CD9: variants seen among roughly 807,000 people sequenced by gnomAD.
The protein encoded by CD9 is CD9 antigen.
CD9 carries 10 observed loss-of-function variants against 31.4 expected under a neutral mutation model. That is an observed-to-expected ratio of 0.32 (90% CI 0.20 to 0.54). The LOEUF is 0.54. Ranked by LOEUF, CD9 falls within the 20% of genes least tolerant of loss-of-function variation. The probability of loss-of-function intolerance (pLI) is 0.94; values close to 1 mark genes in which losing one functional copy is unlikely to be tolerated. For missense variants in CD9, 259 were observed against 300.1 expected, an observed-to-expected ratio of 0.86 and a Z score of 1.01; for synonymous variants, 113 against 114.1, an observed-to-expected ratio of 0.99 and a Z score of 0.06.
intron 1 of CD9, among the ~76,000 whole-genome samples, chr12:6,221,458 G>A (rs768777031): frequency 2.6e-5 from 4 of 152,152 alleles, no homozygotes; most frequent in Non-Finnish European, 5.9e-5. Context: ...CTGCTCCTGG[G>A]ATGATAGGCT....
At chr12:6,214,376 G>A (rs1427178916) in intron 1 of CD9, among the ~76,000 whole-genome samples, 2 of 110,112 alleles carry the variant, frequency 1.8e-5, no homozygotes, top group African/African-American at 3.3e-5. Flanking sequence ...TTTGAGATGG[G>A]GTCTCTGTCA....
chr12:6,217,290 G>A (rs1946252695), intron 1 of CD9, among the ~76,000 whole-genome samples: 1 of 152,166 alleles, frequency 6.6e-6, no homozygotes, highest in African/African-American at 2.4e-5. Flanking sequence ...GGGAGGCCAA[G>A]GTGGGTGGAT....
chr12:6,209,423 G>A (rs1010704627), intron 1 of CD9, among the ~76,000 whole-genome samples: 4 of 152,100 alleles, frequency 2.6e-5, no homozygotes, highest in African/African-American at 4.8e-5. Flanking sequence ...CTCCCTCAGC[G>A]GCCCCGTTCC....
At chr12:6,227,676 G>T (rs1946387210) in intron 2 of CD9, among the ~76,000 whole-genome samples, 2 of 152,200 alleles carry the variant, frequency 1.3e-5, no homozygotes, top group Non-Finnish European at 1.5e-5. Flanking sequence ...CCCTCAAGAG[G>T]CAGGGCCAGG....
At chr12:6,233,083 T>C (rs1946471113) in intron 3 of CD9, 3 of 701,912 alleles carry the variant, frequency 4.3e-6, no homozygotes, top group Non-Finnish European at 7.8e-6. Context: ...TCGCTCCCTT[T>C]ACTTGCCCAA....
intron 2 of CD9, among the ~76,000 whole-genome samples, chr12:6,229,471 C>T (rs740839): frequency 0.6 from 90,845 of 152,150 alleles, 28,236 homozygotes; most frequent in African/African-American, 0.78. Context: ...AGAAGTACAG[C>T]GTGTGGCAAA....
rs138356408 is a variant in CD9 at position 6,218,841 on chromosome 12, G to T, written c.67-6585G>T. Among the ~76,000 whole-genome samples, 825 of 152,068 alleles carry T rather than the reference G, an allele frequency of 5.4e-3. 8 individuals are homozygous for T. Among genetic ancestry groups the T allele is most frequent in the African/African-American group, 0.018 (748 of 41,476 alleles). On this transcript the variant is annotated intron_variant, in intron 1 of 7. Coordinates refer to ENST00000009180, the MANE Select transcript of CD9 (RefSeq NM_001769.4). ...CCATTCATTGTGGGCCTGAGTTTGG[G>T]GCACTCTTGGGTTCTCATGTCTCCT... is the stretch of plus-strand genomic sequence containing the variant.
chr12:6,222,563 G>A lies in CD9; in HGVS notation c.67-2863G>A, dbSNP rs531284749. Among the ~76,000 whole-genome samples, 4 of 152,192 alleles carry A rather than the reference G, an allele frequency of 2.6e-5. No individual in the cohort carries two copies. In the South Asian group the frequency reaches 6.2e-4, roughly 24 times the overall value. ...GCGGGGGACTCCCGACTCCGGGCTT[G>A]GCCTGGCCCTTGGCCAAGATAAGAG... On this transcript the variant is annotated intron_variant, in intron 1 of 7. Coordinates refer to ENST00000009180, the MANE Select transcript of CD9 (RefSeq NM_001769.4).
intron 6 of CD9, 90 bp from the exon 7 acceptor site, chr12:6,236,102 T>C (rs905431050): frequency 1.8e-5 from 28 of 1,567,770 alleles, no homozygotes; most frequent in Non-Finnish European, 2.3e-5. Context: ...GCCCACCAGT[T>C]CTCCCGGGTG....
intron 1 of CD9, among the ~76,000 whole-genome samples, chr12:6,223,363 G>A (rs1379508692): frequency 1.3e-5 from 2 of 151,514 alleles, no homozygotes; most frequent in Non-Finnish European, 2.9e-5. Context: ...CCGGGCTCAC[G>A]CCATTCTCCT....
intron 1 of CD9, among the ~76,000 whole-genome samples, chr12:6,224,792 G>A (rs1187685141): frequency 6.6e-6 from 1 of 152,102 alleles, no homozygotes; most frequent in Non-Finnish European, 1.5e-5. Flanking sequence ...GGGAGGCCCT[G>A]GCATGTCATT....
intron 7 of CD9, chr12:6,236,500 TC>T: frequency 1.7e-6 from 1 of 574,016 alleles, no homozygotes; most frequent in Admixed American, 3.2e-5. Flanking sequence ...CCCCTGGGCT[TC>T]TAAAGAGTCG....
chr12:6,236,009 A>G (rs1261308044), intron 6 of CD9, 183 bp from the exon 7 acceptor site: 4 of 1,431,038 alleles, frequency 2.8e-6, no homozygotes, highest in Non-Finnish European at 1.8e-6. Context: ...ATCCACTAGC[A>G]TAGCCATCCC....
At chr12:6,200,769 G>A (rs1398194974) in intron 1 of CD9, 1 of 463,560 alleles carries the variant, frequency 2.2e-6, no homozygotes, top group African/African-American at 2.1e-5. Context: ...GGCGCATTCG[G>A]GTGGGGGCTC....
At chr12:6,210,298 C>T (rs755547447) in intron 1 of CD9, among the ~76,000 whole-genome samples, 133 of 152,346 alleles carry the variant, frequency 8.7e-4, no homozygotes, top group Admixed American at 2.2e-3. Context: ...TGGGCAGCTG[C>T]AACAGTGCAG....
chr12:6,226,491 C>T (rs558770674), intron 2 of CD9: 2 of 152,296 alleles, frequency 1.3e-5, no homozygotes, highest in East Asian at 1.9e-4. Flanking sequence ...TTTTTACAAA[C>T]GAGGGAGAAA....
At chr12:6,200,397 T>TA, upstream of CD9, 1 of 762,592 alleles carries the variant, frequency 1.3e-6, no homozygotes, top group South Asian at 1.4e-5. Flanking sequence ...GAGACCAGCC[T>TA]ACAGCCGCCT....
chr12:6,235,724 T>C, intron 6 of CD9, 159 bp downstream of exon 6: 1 of 1,424,690 alleles, frequency 7.0e-7, no homozygotes, highest in Non-Finnish European at 9.2e-7. Context: ...CTTTGGGCCC[T>C]CTGTTTACTC....
chr12:6,205,069 C>T (rs1019143279), intron 1 of CD9, among the ~76,000 whole-genome samples: 1 of 152,216 alleles, frequency 6.6e-6, no homozygotes, highest in African/African-American at 2.4e-5. Context: ...GGCAAAAGCC[C>T]CTCCCCATGG....
Sources: allele counts gnomAD v4.1 joint callset (sites outside exome capture counted in the v4.1 genomes callset), GRCh38; gene constraint gnomAD v4.1.1; transcripts MANE v1.5; gene names NCBI Gene and HGNC (gene_info 2026-07-23, HGNC 2026-07-21).